Variants in CCSER1 observed in about 807,000 individuals in gnomAD.
CCSER1 encodes the protein coiled-coil serine rich protein 1.
Under a neutral mutation model 82.0 loss-of-function variants are expected in CCSER1, and 41 were observed. The ratio of observed to expected loss-of-function variants is 0.50; its 90% CI spans 0.39 to 0.65. The LOEUF (loss-of-function observed/expected upper bound fraction) is 0.65, where lower values mean the gene tolerates loss of function less well. CCSER1 is among the 30% of genes least tolerant of loss of function. The pLI is 0.00. For synonymous variants in CCSER1, 414 were observed against 383.9 expected (o/e 1.08, Z -0.92); for missense variants, 1,119 against 1,064.2 (o/e 1.05, Z -0.72).
At chr4:90,224,430 G>A (rs1252609482) in intron 1 of CCSER1, among the ~76,000 whole-genome samples, 1 of 152,190 alleles carries the variant, frequency 6.6e-6, no homozygotes, top group Non-Finnish European at 1.5e-5. Flanking sequence ...ATAGGCTTAA[G>A]TAGAAAACTG....
chr4:91,475,464 T>C (rs750729711), intron 10 of CCSER1, among the ~76,000 whole-genome samples: 2 of 151,938 alleles, frequency 1.3e-5, no homozygotes, highest in African/African-American at 2.4e-5. Context: ...TTATATAAAC[T>C]CTTACCTTAT....
chr4:90,514,344 C>T (rs1282132613), intron 5 of CCSER1, among the ~76,000 whole-genome samples: 2 of 152,130 alleles, frequency 1.3e-5, no homozygotes, highest in Non-Finnish European at 2.9e-5. Context: ...ATTAATCATA[C>T]ATCATTTTCT....
chr4:90,939,323 A>G (rs1037780585), intron 9 of CCSER1, among the ~76,000 whole-genome samples: 5 of 152,208 alleles, frequency 3.3e-5, no homozygotes, highest in Non-Finnish European at 7.3e-5. Flanking sequence ...ATAGTTGAAG[A>G]TGGTTTATTG....
chr4:91,137,878 G>A (rs1728641307), intron 10 of CCSER1, among the ~76,000 whole-genome samples: 1 of 134,462 alleles, frequency 7.4e-6, no homozygotes, highest in South Asian at 2.6e-4. Flanking sequence ...CAACTTACAA[G>A]GGATGTGAAG....
chr4:91,292,294 T>G (rs996756186), intron 10 of CCSER1, among the ~76,000 whole-genome samples: 2 of 152,014 alleles, frequency 1.3e-5, no homozygotes, highest in African/African-American at 4.8e-5. Context: ...ACAAAATTCA[T>G]GAATATTGCT....
chr4:91,033,377 G>A lies in CCSER1; in HGVS notation c.2173-52573G>A, dbSNP rs77559121. Reference sequence around the variant, plus strand: ...GACTTTCAGAGAAGTATTGCAGCAGGGAAAAAGGGTAGAAGGAAATATCCC... The same window carrying A: ...GACTTTCAGAGAAGTATTGCAGCAGAGAAAAAGGGTAGAAGGAAATATCCC... On this transcript the variant is annotated intron_variant, in intron 9 of 10. Transcript: ENST00000509176. Among the ~76,000 whole-genome samples the A allele has an allele frequency of 3.1e-3, 469 of 152,068 alleles. 1 individual carries two copies. The highest frequency in any genetic ancestry group is 0.011 in the African/African-American group (437 of 41,462).
intron 1 of CCSER1, among the ~76,000 whole-genome samples, chr4:90,276,957 C>T (rs1400990261): frequency 6.6e-6 from 1 of 152,072 alleles, no homozygotes; most frequent in East Asian, 1.9e-4. Flanking sequence ...GTTTTGCATC[C>T]TGAAACATTA....
At chr4:91,107,246 C>A (rs1369582418) in intron 10 of CCSER1, among the ~76,000 whole-genome samples, 1 of 151,908 alleles carries the variant, frequency 6.6e-6, no homozygotes, top group Admixed American at 6.6e-5. Flanking sequence ...AATAAAATCA[C>A]CTGACAATGC....
chr4:91,394,634 A>G (rs538785128), intron 10 of CCSER1, among the ~76,000 whole-genome samples: 139 of 152,232 alleles, frequency 9.1e-4, no homozygotes, highest in African/African-American at 3.1e-3. Flanking sequence ...TTTATTTCAA[A>G]TAAGTTTGAA....
intron 10 of CCSER1, among the ~76,000 whole-genome samples, chr4:91,179,233 A>T (rs1030486006): frequency 2.6e-5 from 4 of 151,912 alleles, no homozygotes; most frequent in African/African-American, 9.7e-5. Flanking sequence ...CTGCCCTTAA[A>T]ATTTTTTCCT....
intron 5 of CCSER1, among the ~76,000 whole-genome samples, chr4:90,587,292 C>T: frequency 6.6e-6 from 1 of 152,118 alleles, no homozygotes; most frequent in Non-Finnish European, 1.5e-5. Context: ...ATTTGTAGAA[C>T]TCTATTATAG....
At chr4:91,205,138 G>A (rs1456595745) in intron 10 of CCSER1, among the ~76,000 whole-genome samples, 1 of 151,614 alleles carries the variant, frequency 6.6e-6, no homozygotes, top group Admixed American at 6.6e-5. Context: ...AATGAAATTT[G>A]AAGACTCTTA....
intron 1 of CCSER1, among the ~76,000 whole-genome samples, chr4:90,233,051 TGGAAGTCA>T (rs1476211949): frequency 1.3e-5 from 2 of 151,998 alleles, no homozygotes; most frequent in Non-Finnish European, 2.9e-5. Context: ...TCAACCATTG[TGGAAGTCA>T]GTGTGGCGAT....
At chr4:91,308,289 G>A (rs982478429) in intron 10 of CCSER1, among the ~76,000 whole-genome samples, 4 of 151,848 alleles carry the variant, frequency 2.6e-5, no homozygotes, top group African/African-American at 7.3e-5. Context: ...AAGTGACAGG[G>A]CTGACTCTTC....
chr4:90,860,965 C>A (rs1765013956), intron 8 of CCSER1, among the ~76,000 whole-genome samples: 1 of 151,268 alleles, frequency 6.6e-6, no homozygotes, highest in African/African-American at 2.4e-5. Flanking sequence ...TCTGACTATA[C>A]TAAAAACCAC....
chr4:90,199,110 C>A (rs1429443485), intron 1 of CCSER1, among the ~76,000 whole-genome samples: 2 of 152,032 alleles, frequency 1.3e-5, no homozygotes, highest in African/African-American at 4.8e-5. Context: ...ATTGCTGTAC[C>A]CAGCTGGTCA....
chr4:91,267,533 T>C (rs937749226), intron 10 of CCSER1, among the ~76,000 whole-genome samples: 3 of 152,196 alleles, frequency 2.0e-5, no homozygotes, highest in Non-Finnish European at 4.4e-5. Flanking sequence ...AATAAATGAA[T>C]GCACAGCCAG....
At chr4:90,253,448 GATTGTTTCA>G (rs979743010) in intron 1 of CCSER1, among the ~76,000 whole-genome samples, 5 of 152,066 alleles carry the variant, frequency 3.3e-5, no homozygotes, top group African/African-American at 1.2e-4. Context: ...ATTTTTGAAA[GATTGTTTCA>G]ATATGAAATA....
chr4:90,335,652 A>G (rs1740247626), intron 3 of CCSER1, among the ~76,000 whole-genome samples: 1 of 152,214 alleles, frequency 6.6e-6, no homozygotes, highest in African/African-American at 2.4e-5. Flanking sequence ...GAAAGTTAAT[A>G]TTTATTGGAA....
Sources: allele counts gnomAD v4.1 joint callset (sites outside exome capture counted in the v4.1 genomes callset), GRCh38; gene constraint gnomAD v4.1.1; transcripts MANE v1.5; gene names NCBI Gene and HGNC (gene_info 2026-07-23, HGNC 2026-07-21).